CORIN: variants seen among roughly 807,000 people sequenced by gnomAD.
CORIN encodes the protein atrial natriuretic peptide-converting enzyme.
In CORIN, 117 loss-of-function variants were observed where a neutral mutation model predicts 125.3. That is an observed-to-expected ratio of 0.93 (90% CI 0.80 to 1.09). The LOEUF (loss-of-function observed/expected upper bound fraction) is 1.09, where lower values mean the gene tolerates loss of function less well. Ranked by LOEUF, CORIN falls within the 50% of genes least tolerant of loss-of-function variation. CORIN has a pLI of 0.00. For missense variants in CORIN, 1,253 were observed against 1,306.7 expected (o/e 0.96, Z 0.63); for synonymous variants, 450 against 466.4 (o/e 0.96, Z 0.45).
At chr4:47,786,243 T>C (rs915294947) in intron 3 of CORIN, among the ~76,000 whole-genome samples, 2 of 151,994 alleles carry the variant, frequency 1.3e-5, no homozygotes, top group Admixed American at 6.6e-5. Context: ...TGTTTAAGAA[T>C]AGGGCACTCA....
chr4:47,817,886 T>C (rs1319865374), intron 1 of CORIN, among the ~76,000 whole-genome samples: 1 of 152,190 alleles, frequency 6.6e-6, no homozygotes, highest in Admixed American at 6.5e-5. Flanking sequence ...CTAGATTTCA[T>C]AGACCTAATT....
intron 17 of CORIN, among the ~76,000 whole-genome samples, chr4:47,625,412 A>T (rs1268904389): frequency 6.6e-6 from 1 of 152,122 alleles, no homozygotes; most frequent in Non-Finnish European, 1.5e-5. Context: ...ACCAACTCCC[A>T]ATCTAGAATG....
At chr4:47,697,424 G>A (rs1334628238) in intron 5 of CORIN, among the ~76,000 whole-genome samples, 1 of 152,046 alleles carries the variant, frequency 6.6e-6, no homozygotes, top group East Asian at 1.9e-4. Context: ...AGTACAAAAG[G>A]AGTGAGGGGC....
At chr4:47,825,047 C>A (rs183679385) in intron 1 of CORIN, among the ~76,000 whole-genome samples, 53 of 152,332 alleles carry the variant, frequency 3.5e-4, no homozygotes, top group Middle Eastern at 3.4e-3. Flanking sequence ...GAGCACACCG[C>A]TGGCCTGTGG....
In CORIN at chr4:47,790,293, C is replaced by T. The variant is rs569261475; in HGVS notation, c.209-3368G>A. On this transcript the variant is annotated intron_variant, in intron 2 of 21. Transcript: ENST00000273857. ...CCCGGCAGAACCCCCGACTGGCCTG[C>T]GCACTGGGAGGAGCGTGCACTGGGG... 1.0e-4 allele frequency: 62 copies of T among 618,886 alleles called. 2 individuals are homozygous for T. In the Middle Eastern group the frequency reaches 3.3e-3, roughly 32 times the overall value. The allele number at this position is 618,886 out of a possible 1,614,324, so 38.3% of individuals were successfully genotyped here.
intron 5 of CORIN, among the ~76,000 whole-genome samples, chr4:47,733,255 G>T (rs978484321): frequency 6.6e-6 from 1 of 152,144 alleles, no homozygotes; most frequent in African/African-American, 2.4e-5. Context: ...GGTTTAAAGG[G>T]CTTGAGAGAC....
chr4:47,723,032 G>A (rs1380603512), intron 5 of CORIN, among the ~76,000 whole-genome samples: 1 of 152,142 alleles, frequency 6.6e-6, no homozygotes, highest in Non-Finnish European at 1.5e-5. Context: ...TTGGTCAGAC[G>A]AATAAGCAGG....
chr4:47,723,936 C>A (rs1159095591), intron 5 of CORIN, among the ~76,000 whole-genome samples: 1 of 136,964 alleles, frequency 7.3e-6, no homozygotes, highest in African/African-American at 2.8e-5. Context: ...AGGGAGCTTG[C>A]AATGAGCTGA....
At chr4:47,796,992 T>C (rs1393174115) in intron 2 of CORIN, among the ~76,000 whole-genome samples, 1 of 152,018 alleles carries the variant, frequency 6.6e-6, no homozygotes, top group Non-Finnish European at 1.5e-5. Flanking sequence ...ATTTGTTTCA[T>C]GCCTTCTTCC....
chr4:47,734,373 C>G (rs2109820462), intron 5 of CORIN, among the ~76,000 whole-genome samples: 1 of 152,280 alleles, frequency 6.6e-6, no homozygotes, highest in African/African-American at 2.4e-5. Context: ...ACCTGACACC[C>G]AACGCAAGTC....
intron 4 of CORIN, among the ~76,000 whole-genome samples, chr4:47,756,567 T>C (rs1279682448): frequency 2.6e-5 from 4 of 152,242 alleles, no homozygotes; most frequent in Non-Finnish European, 5.9e-5. Flanking sequence ...TAGTATACTA[T>C]GGAAAATTGA....
At chr4:47,663,579 A>C (rs1280201174) in intron 11 of CORIN, among the ~76,000 whole-genome samples, 1 of 152,206 alleles carries the variant, frequency 6.6e-6, no homozygotes, top group Non-Finnish European at 1.5e-5. Context: ...TATGCATTTT[A>C]ATATGGAACT....
intron 16 of CORIN, among the ~76,000 whole-genome samples, chr4:47,640,335 T>C (rs12331236): frequency 0.26 from 39,848 of 152,050 alleles, 5,469 homozygotes; most frequent in Admixed American, 0.36. Context: ...TACTGGTACA[T>C]GCTACAAGAC....
intron 16 of CORIN, among the ~76,000 whole-genome samples, chr4:47,637,140 T>G (rs1029092261): frequency 3.6e-4 from 55 of 152,288 alleles, no homozygotes; most frequent in Non-Finnish European, 1.0e-4. Context: ...GCCCCTGCCC[T>G]AGAGATTTGT....
At chr4:47,659,106 G>A (rs1044114246) in intron 12 of CORIN, among the ~76,000 whole-genome samples, 21 of 152,282 alleles carry the variant, frequency 1.4e-4, no homozygotes, top group African/African-American at 4.6e-4. Context: ...CCTTTCCCCC[G>A]GTTCCCAATT....
chr4:47,694,851 C>T (rs909090928), intron 5 of CORIN, among the ~76,000 whole-genome samples: 1 of 151,312 alleles, frequency 6.6e-6, no homozygotes, highest in African/African-American at 2.4e-5. Context: ...TGCCATAAAG[C>T]AGAAAAAAAA....
chr4:47,621,828 C>A (rs1722321059), intron 19 of CORIN, among the ~76,000 whole-genome samples: 1 of 151,412 alleles, frequency 6.6e-6, no homozygotes, highest in South Asian at 2.1e-4. Context: ...TGTGGATGGG[C>A]CTTACCCATT....
At chr4:47,696,038 T>C (rs1000645576) in intron 5 of CORIN, among the ~76,000 whole-genome samples, 1 of 152,226 alleles carries the variant, frequency 6.6e-6, no homozygotes, top group Admixed American at 6.5e-5. Flanking sequence ...GCACTAGGTT[T>C]GAGTAAAACT....
At chr4:47,650,885 C>T (rs2109636961) in intron 13 of CORIN, among the ~76,000 whole-genome samples, 1 of 152,252 alleles carries the variant, frequency 6.6e-6, no homozygotes, top group Middle Eastern at 3.4e-3. Context: ...ACAATTCATC[C>T]CAACACTTGC....
Sources: gnomAD v4.1 joint callset for allele counts (sites outside exome capture counted in the v4.1 genomes callset) on GRCh38, gnomAD v4.1.1 for gene constraint, MANE v1.5 for transcripts, NCBI Gene and HGNC (gene_info 2026-07-23, HGNC 2026-07-21) for gene names.